The following EPB41L4A variants were observed in gnomAD, a reference collection of about 807,000 sequenced individuals.
The protein encoded by EPB41L4A is band 4.1-like protein 4A.
Under a neutral mutation model 108.6 loss-of-function variants are expected in EPB41L4A, and 100 were observed. The observed-to-expected ratio is 0.92, with a 90% confidence interval of 0.78 to 1.09. The LOEUF (loss-of-function observed/expected upper bound fraction) is 1.09, where lower values mean the gene tolerates loss of function less well. EPB41L4A is among the 50% of genes least tolerant of loss of function. The pLI, the probability that EPB41L4A is intolerant of heterozygous loss-of-function variation, is 0.00. For missense variants in EPB41L4A, 1,030 were observed against 842.7 expected (o/e 1.22, Z -2.75); for synonymous variants, 319 against 289.0 (o/e 1.10, Z -1.05).
chr5:112,272,629 A>G (rs1017839848), intron 4 of EPB41L4A, among the ~76,000 whole-genome samples: 27 of 151,762 alleles, frequency 1.8e-4, no homozygotes, highest in Admixed American at 1.4e-3. Flanking sequence ...AAAATACAAA[A>G]TATTAGCTGG....
upstream of EPB41L4A, chr5:112,419,927 C>T (rs977588599): frequency 2.6e-5 from 12 of 455,564 alleles, no homozygotes; most frequent in African/African-American, 4.0e-5. Flanking sequence ...AGCGGGGAGG[C>T]GGGGACCTGC....
intron 2 of EPB41L4A, among the ~76,000 whole-genome samples, chr5:112,292,277 G>C (rs1293840132): frequency 6.6e-6 from 1 of 152,144 alleles, no homozygotes; most frequent in African/African-American, 2.4e-5. Context: ...CCCAGTTCAG[G>C]CTGTGCTGAT....
chr5:112,188,842 C>G (rs1761550678), intron 17 of EPB41L4A, among the ~76,000 whole-genome samples: 1 of 152,078 alleles, frequency 6.6e-6, no homozygotes, highest in Non-Finnish European at 1.5e-5. Context: ...ATATTTTTTC[C>G]CTAGGGTACA....
At chr5:112,238,513 A>C (rs546718489) in intron 11 of EPB41L4A, among the ~76,000 whole-genome samples, 25 of 152,206 alleles carry the variant, frequency 1.6e-4, no homozygotes, top group Non-Finnish European at 2.9e-4. Context: ...CAAATTCAAG[A>C]CCCAAAAAGT....
intron 17 of EPB41L4A, among the ~76,000 whole-genome samples, chr5:112,191,029 T>C (rs1383083279): frequency 6.6e-6 from 1 of 152,116 alleles, no homozygotes; most frequent in Admixed American, 6.6e-5. Context: ...ATAAGAACTT[T>C]CTGTCATCTT....
intron 12 of EPB41L4A, chr5:112,228,760 T>C: frequency 1.0e-6 from 1 of 985,290 alleles, no homozygotes; most frequent in Non-Finnish European, 1.2e-6. Context: ...GGGCACTTTT[T>C]CCTCCTGCCG....
intron 1 of EPB41L4A, among the ~76,000 whole-genome samples, chr5:112,397,880 T>C (rs569911573): frequency 6.6e-6 from 1 of 152,330 alleles, no homozygotes; most frequent in African/African-American, 2.4e-5. Context: ...GCAGTTTTCC[T>C]AGCTCAAAAA....
chr5:112,220,274 G>T (rs192404837), intron 12 of EPB41L4A, among the ~76,000 whole-genome samples: 1 of 152,264 alleles, frequency 6.6e-6, no homozygotes, highest in East Asian at 1.9e-4. Context: ...TATTCTGAAT[G>T]TTCTATCAAG....
intron 1 of EPB41L4A, among the ~76,000 whole-genome samples, chr5:112,376,610 G>A (rs1409940763): frequency 6.6e-6 from 1 of 152,148 alleles, no homozygotes; most frequent in Non-Finnish European, 1.5e-5. Context: ...TATTCATAAA[G>A]TCAAAATGAT....
intron 2 of EPB41L4A, among the ~76,000 whole-genome samples, chr5:112,301,915 T>C (rs1288687493): frequency 6.6e-6 from 1 of 151,926 alleles, no homozygotes; most frequent in Non-Finnish European, 1.5e-5. Flanking sequence ...TTTTTATTAA[T>C]AAAAATATAA....
rs987548089 is a variant in EPB41L4A, at chr5:112,151,244, T to C, written n.995-5246A>G. On this transcript the variant is annotated intron_variant and non_coding_transcript_variant, in intron 12 of 13. Coordinates refer to the EPB41L4A transcript ENST00000507810. Reference sequence around the variant, plus strand: ...TAATGACTATAAATCGATAAGAATGTCAAATTTGTGAGTTTAAAAATATAC... The same window carrying C: ...TAATGACTATAAATCGATAAGAATGCCAAATTTGTGAGTTTAAAAATATAC... Among the ~76,000 whole-genome samples, 2 of 151,674 alleles carry C rather than the reference T, an allele frequency of 1.3e-5. 1 individual carries two copies. Among genetic ancestry groups the C allele is most frequent in the South Asian group, 4.1e-4 (2 of 4,822 alleles).
chr5:112,148,422 T>C (rs1759345846), intron 12 of EPB41L4A, among the ~76,000 whole-genome samples: 1 of 151,814 alleles, frequency 6.6e-6, no homozygotes, highest in Non-Finnish European at 1.5e-5. Context: ...AATTGATACA[T>C]GGAATTTTCT....
At chr5:112,402,566 C>A (rs1181797747) in intron 1 of EPB41L4A, among the ~76,000 whole-genome samples, 4 of 151,932 alleles carry the variant, frequency 2.6e-5, no homozygotes, top group Non-Finnish European at 5.9e-5. Context: ...TAGCATGGAC[C>A]TTAAAACAAA....
At chr5:112,370,417 C>T (rs1430549177) in intron 1 of EPB41L4A, among the ~76,000 whole-genome samples, 22 of 151,894 alleles carry the variant, frequency 1.4e-4, no homozygotes, top group Non-Finnish European at 1.5e-5. Flanking sequence ...AAATATTTTT[C>T]CTGTCATTTT....
chr5:112,211,379 C>G (rs914179185), intron 12 of EPB41L4A, among the ~76,000 whole-genome samples: 6 of 152,176 alleles, frequency 3.9e-5, no homozygotes, highest in African/African-American at 1.4e-4. Context: ...GTCAGGAGTT[C>G]AAGACCACTC....
At chr5:112,225,719 A>G (rs1199232087) in intron 12 of EPB41L4A, among the ~76,000 whole-genome samples, 2 of 152,236 alleles carry the variant, frequency 1.3e-5, no homozygotes, top group Non-Finnish European at 2.9e-5. Flanking sequence ...AACACATTAA[A>G]TACTACCGGG....
At chr5:112,158,368 C>A, downstream of EPB41L4A, 1 of 333,762 alleles carries the variant, frequency 3.0e-6, no homozygotes, top group South Asian at 2.5e-5. Context: ...ATTCTTTAAA[C>A]TAACCCATAT....
chr5:112,263,120 A>T (rs1320787309), intron 6 of EPB41L4A, among the ~76,000 whole-genome samples: 3 of 152,220 alleles, frequency 2.0e-5, no homozygotes, highest in Non-Finnish European at 4.4e-5. Flanking sequence ...AATACACAGT[A>T]CAGAATTCTT....
chr5:112,214,156 C>T (rs1279403321), intron 12 of EPB41L4A, among the ~76,000 whole-genome samples: 2 of 152,220 alleles, frequency 1.3e-5, no homozygotes, highest in South Asian at 4.1e-4. Flanking sequence ...TCAGCTCAGA[C>T]TCGGGCTACA....
Sources: allele counts gnomAD v4.1 joint callset (sites outside exome capture counted in the v4.1 genomes callset), GRCh38; gene constraint gnomAD v4.1.1; transcripts MANE v1.5; gene names NCBI Gene and HGNC (gene_info 2026-07-23, HGNC 2026-07-21).